The following AKAP1 variants were observed in gnomAD, a reference collection of about 807,000 sequenced individuals.
AKAP1 encodes the protein A-kinase anchor protein 1, mitochondrial.
A neutral mutation model predicts 79.8 loss-of-function variants in AKAP1; 32 were observed. The ratio of observed to expected loss-of-function variants is 0.40; its 90% confidence interval spans 0.30 to 0.54. AKAP1 has a LOEUF of 0.54. Among genes scored for constraint, AKAP1 ranks in the 20% least tolerant of loss-of-function variants. The probability of loss-of-function intolerance (pLI) is 0.47; values close to 1 mark genes in which losing one functional copy is unlikely to be tolerated. For synonymous variants in AKAP1, 416 were observed against 466.7 expected (o/e 0.89, Z 1.40); for missense variants, 961 against 1,138.9 (o/e 0.84, Z 2.25).
chr17:57,097,799 C>G (rs1914214561), intron 1 of AKAP1, among the ~76,000 whole-genome samples: 1 of 152,228 alleles, frequency 6.6e-6, no homozygotes, highest in Admixed American at 6.5e-5. Flanking sequence ...AATGTTCATT[C>G]AGAACGCAAA....
Position 57,106,221 on chromosome 17 carries a change from G to A in AKAP1, c.757G>A (p.Val253Met), listed in dbSNP as rs1914851563. The A allele has an allele frequency of 6.2e-7, 1 of 1,614,216 alleles. No homozygotes were observed. The highest frequency in any genetic ancestry group is 1.1e-5 in the South Asian group (1 of 91,092). Residue 253 changes from valine (V) to methionine (M), a missense_variant, in exon 2 of 11, where the codon GTG (valine) becomes ATG (methionine). By Grantham distance (21) the Val-to-Met change is conservative. This residue lies in a region of AKAP1 where 224 missense variants were observed against 210.2 expected (regional missense o/e 1.07). Transcript: ENST00000337714. ...TAAGGGGAAGAGCAGCTCATCCCAGGTGGTGGGGCCAGTGCAGGAGGAAGA... is the reference window on the plus strand; with the variant it reads ...TAAGGGGAAGAGCAGCTCATCCCAGATGGTGGGGCCAGTGCAGGAGGAAGA... Reference protein sequence around the residue: ...EDKGKSSSSQVVGPVQEEEYV... With the variant: ...EDKGKSSSSQMVGPVQEEEYV...
chr17:57,106,993 C>A lies in AKAP1; in HGVS notation c.1529C>A (p.Ser510Tyr), dbSNP rs183018841. The A allele has an allele frequency of 3.2e-5, 52 of 1,614,208 alleles. 1 individual carries two copies. Among genetic ancestry groups the A allele is most frequent in the Middle Eastern group, 1.6e-4 (1 of 6,062 alleles). Residue 510 changes from serine to tyrosine, a missense_variant, in exon 2 of 11, where the codon TCT becomes TAT. Ser to Tyr is a moderately radical substitution (Grantham distance 144). Transcript: ENST00000337714. ...LVASPGHCSD[S>Y]FSTSGLEDSC... Reference sequence around the variant, plus strand: ...GCTTCTCCAGGACACTGCTCAGATTCTTTCAGCACTTCAGGGCTTGAAGAC... The same window carrying A: ...GCTTCTCCAGGACACTGCTCAGATTATTTCAGCACTTCAGGGCTTGAAGAC...
chr17:57,099,848 A>G (rs1043869412), intron 1 of AKAP1, among the ~76,000 whole-genome samples: 3 of 152,146 alleles, frequency 2.0e-5, no homozygotes, highest in African/African-American at 7.2e-5. Context: ...GGGACTGGGT[A>G]TGGGTGGCCC....
chr17:57,120,566 TG>T lies in AKAP1; in HGVS notation c.*243del. The stretch of plus-strand genomic sequence containing the variant: ...CAGCTGGCTTATGCTGGTTCTCAGC[TG>T]TTTAAAAAAAAAAAAAAAAAGGAAT... On this transcript the variant is annotated 3_prime_UTR_variant, in exon 11 of 11. Coordinates refer to ENST00000337714, the MANE Select transcript of AKAP1 (RefSeq NM_003488.4). 16 of 310,004 alleles carry T rather than the reference TG, an allele frequency of 5.2e-5. No individual in the cohort carries two copies. The highest frequency in any genetic ancestry group is 8.0e-4 in the Middle Eastern group (1 of 1,246). 19.2% of individuals were successfully genotyped at this position (310,004 alleles called of 1,614,324 possible). A position where few individuals can be genotyped will look rare whatever the true frequency, so the allele number is the denominator to read the frequency against.
intron 2 of AKAP1, chr17:57,108,132 T>C (rs1198427058): frequency 1.4e-5 from 11 of 760,206 alleles, no homozygotes; most frequent in Non-Finnish European, 1.7e-5. Context: ...ATATCCCGAG[T>C]GGCTCTCTGA....
chr17:57,111,760 C>G (rs780500923), intron 3 of AKAP1, 38 bp from the exon 4 acceptor site: 4 of 1,611,206 alleles, frequency 2.5e-6, no homozygotes, highest in Non-Finnish European at 3.4e-6. Context: ...GAATTGGTTT[C>G]CCTTTAACCC....
At chr17:57,114,424 T>A (rs977106088) in intron 5 of AKAP1, 35 bp from the exon 6 acceptor site, 1 of 1,607,474 alleles carries the variant, frequency 6.2e-7, no homozygotes, top group Admixed American at 1.7e-5. Context: ...ATAAGAAGGA[T>A]TGTTTCAGTG....
In AKAP1 at chr17:57,121,080, TA is replaced by T. The variant is rs1567921054; in HGVS notation, c.*757del. On this transcript the variant is annotated 3_prime_UTR_variant, in exon 11 of 11. Transcript: ENST00000337714. ...GATTCTTCCAGCCACATGTCACCTG[TA>T]GGTAGAAGTAAACTCTGCAGTGCAG... is the stretch of plus-strand genomic sequence containing the variant. 1.3e-5 allele frequency: 2 copies of T among 152,662 alleles called. No individual in the cohort carries two copies. The highest frequency in any genetic ancestry group is 3.9e-4 in the East Asian group (2 of 5,188). 9.5% of individuals were successfully genotyped at this position (152,662 alleles called of 1,614,324 possible). A position where few individuals can be genotyped will look rare whatever the true frequency, so the allele number is the denominator to read the frequency against.
intron 8 of AKAP1, among the ~76,000 whole-genome samples, chr17:57,117,635 A>T (rs1166661048): frequency 1.3e-5 from 2 of 152,146 alleles, no homozygotes; most frequent in Non-Finnish European, 2.9e-5. Flanking sequence ...GTCGGCTTAG[A>T]GGGAGCACTG....
chr17:57,116,918 C>A lies in AKAP1; in HGVS notation c.2491C>A (p.Pro831Thr), dbSNP rs1411164516. 7.4e-6 allele frequency: 12 copies of A among 1,614,116 alleles called. No individual in the cohort carries two copies. Among genetic ancestry groups the A allele is most frequent in the Non-Finnish European group, 1.0e-5 (12 of 1,179,948 alleles). ...AGAAGTCCTTCTGGACAGTGTGATG[C>A]CCCTGTCAGGTAACAGCTGAGGCCT... ...GAEVLLDSVM[P>T]LSDDDQFSPE... Residue 831 changes from proline (P) to threonine (T), a missense_variant, in exon 8 of 11, where the codon CCC (proline) becomes ACC (threonine). By Grantham distance (38) the Pro-to-Thr change is conservative (BLOSUM62 -1). This residue lies in a region of AKAP1 where 629 missense variants were observed against 781.1 expected (regional missense o/e 0.81). Coordinates refer to ENST00000337714, the MANE Select transcript of AKAP1 (RefSeq NM_003488.4).
Position 57,110,081 on chromosome 17 carries a change from G to A in AKAP1, c.1771G>A (p.Glu591Lys). ...TAGCTGTTGCAGTCTCAAGAAGACT[G>A]AGAGCTTCCAAAATGCCCAGGCAGG... Reference protein sequence around the residue: ...VDSCCSLKKTESFQNAQAGSN... With the variant: ...VDSCCSLKKTKSFQNAQAGSN... The change falls in exon 3 of 11, where the codon GAG (glutamate) becomes AAG (lysine). Residue 591 changes from glutamate (E) to lysine (K), a missense_variant. This residue lies in a region of AKAP1 where 629 missense variants were observed against 781.1 expected (regional missense o/e 0.81). Coordinates refer to ENST00000337714, the MANE Select transcript of AKAP1 (RefSeq NM_003488.4). The A allele has an allele frequency of 1.2e-6, 2 of 1,614,212 alleles. No homozygotes were observed. Among genetic ancestry groups the A allele is most frequent in the Admixed American group, 1.7e-5 (1 of 60,026 alleles).
Position 57,105,788 on chromosome 17 carries a change from G to C in AKAP1, c.324G>C (p.Ser108=). The C allele has an allele frequency of 1.6e-5, 26 of 1,614,134 alleles. No individual in the cohort carries two copies. Among genetic ancestry groups the C allele is most frequent in the Non-Finnish European group, 2.1e-5 (25 of 1,180,034 alleles). Residue 108 remains serine (S), a synonymous_variant, in exon 2 of 11, where the codon TCG becomes TCC. Transcript: ENST00000337714. ...CACCTTGCCGAAGATCAGAGTCCTC[G>C]GGCATTCTTCCTAACACCACAGACA... ...THPPCRRSES[S]GILPNTTDMR...
In AKAP1 at chr17:57,120,499, A is replaced by G. The variant is rs548461961; in HGVS notation, c.*175A>G. 88 of 548,814 alleles carry G rather than the reference A, an allele frequency of 1.6e-4. No individual in the cohort carries two copies. In the South Asian group the frequency reaches 2.2e-3, roughly 14 times the overall value. The allele number at this position is 548,814 out of a possible 1,614,324, so 34.0% of individuals were successfully genotyped here. On this transcript the variant is annotated 3_prime_UTR_variant, in exon 11 of 11. Transcript: ENST00000337714. The stretch of plus-strand genomic sequence containing the variant: ...GTCTCTGAGAAAAAAGGATGGAACT[A>G]TGGGTTCTCTTCGCAAAGCCAAAGG...
At chr17:57,091,932 A>G (rs1165541763) in intron 1 of AKAP1, among the ~76,000 whole-genome samples, 2 of 152,054 alleles carry the variant, frequency 1.3e-5, no homozygotes, top group African/African-American at 4.8e-5. Context: ...GGCTCAAGTG[A>G]TCATTCCATG....
At position 57,107,192 on chromosome 17, in the gene AKAP1, G is replaced by A. The variant is rs200640248; in HGVS notation, c.1714+14G>A. The A allele has an allele frequency of 2.1e-5, 33 of 1,580,660 alleles. No individual in the cohort carries two copies. In the Admixed American group the frequency reaches 2.1e-4, roughly 10 times the overall value. The stretch of plus-strand genomic sequence containing the variant: ...ATCATTCAGGAGGTAGGAGGGTCTC[G>A]GGTTCGTTTAGAGGATGGGGCGCTC... On this transcript the variant is annotated intron_variant, in intron 2 of 10. Transcript: ENST00000337714.
chr17:57,106,914 G>A lies in AKAP1; in HGVS notation c.1450G>A (p.Asp484Asn), dbSNP rs774675607. Residue 484 changes from aspartate (D) to asparagine (N), a missense_variant, in exon 2 of 11, where the codon GAT (aspartate) becomes AAT (asparagine). Physicochemically the swap from Asp to Asn is conservative, Grantham distance 23. Around this residue, in one of 3 missense-constraint regions of AKAP1, gnomAD observed 629 missense variants for 781.1 expected, o/e 0.81. Coordinates refer to ENST00000337714, the MANE Select transcript of AKAP1 (RefSeq NM_003488.4). ...GGACCGGGCAGGCATCCTGGTGGAA[G>A]ATGCCACCTGTGTCACCTGCATGTC... Reference protein sequence around the residue: ...LPDRAGILVEDATCVTCMSDS... With the variant: ...LPDRAGILVENATCVTCMSDS... 27 of 1,613,870 alleles carry A rather than the reference G, an allele frequency of 1.7e-5. No individual in the cohort carries two copies. Among genetic ancestry groups the A allele is most frequent in the Non-Finnish European group, 1.9e-5 (23 of 1,179,818 alleles).
Position 57,120,380 on chromosome 17 carries a change from C to A in AKAP1, c.*56C>A. ...TGCACTGTTGAAATTGGGCTTGGCA[C>A]TCAAGTCAAAGATGAACATCGGAAT... On this transcript the variant is annotated 3_prime_UTR_variant, in exon 11 of 11. Transcript: ENST00000337714. 6.7e-7 allele frequency: 1 copy of A among 1,496,038 alleles called. No homozygotes were observed. The highest frequency in any genetic ancestry group is 9.2e-7 in the Non-Finnish European group (1 of 1,086,498). The allele number at this position is 1,496,038 out of a possible 1,614,324, so 92.7% of individuals were successfully genotyped here.
In AKAP1 at chr17:57,120,415, T is replaced by C; in HGVS notation, c.*91T>C. 1.7e-6 allele frequency: 2 copies of C among 1,157,264 alleles called. No homozygotes were observed. Among genetic ancestry groups the C allele is most frequent in the Non-Finnish European group, 2.5e-6 (2 of 795,404 alleles). The allele number at this position is 1,157,264 out of a possible 1,614,324, so 71.7% of individuals were successfully genotyped here. On this transcript the variant is annotated 3_prime_UTR_variant, in exon 11 of 11. Transcript: ENST00000337714. The stretch of plus-strand genomic sequence containing the variant: ...AGATGAACATCGGAATAACAAACAT[T>C]GTCCTCTCCAGAAAGTCCTTTCTTT...
chr17:57,115,647 C>T (rs1747303637), intron 6 of AKAP1, among the ~76,000 whole-genome samples: 1 of 152,212 alleles, frequency 6.6e-6, no homozygotes, highest in African/African-American at 2.4e-5. Flanking sequence ...GAGGCCCCTT[C>T]TGGTCAAGCT....
Sources: allele counts gnomAD v4.1 joint callset (sites outside exome capture counted in the v4.1 genomes callset), GRCh38; gene constraint gnomAD v4.1.1; regional missense constraint gnomAD v4.1.1; transcripts MANE v1.5; gene names NCBI Gene and HGNC (gene_info 2026-07-23, HGNC 2026-07-21).